STMND1: variants seen among roughly 807,000 people sequenced by gnomAD.
The protein encoded by STMND1 is stathmin domain containing 1.
A neutral mutation model predicts 23.0 loss-of-function variants in STMND1; 17 were observed. The observed-to-expected ratio is 0.74, with a 90% confidence interval of 0.51 to 1.11. The LOEUF (loss-of-function observed/expected upper bound fraction) is 1.11. STMND1 is among the 50% of genes least tolerant of loss of function. The pLI, the probability that STMND1 is intolerant of heterozygous loss-of-function variation, is 0.00. For synonymous variants in STMND1, 114 were observed against 119.9 expected, an observed-to-expected ratio of 0.95 and a Z score of 0.32; for missense variants, 305 against 329.1, an observed-to-expected ratio of 0.93 and a Z score of 0.57.
At position 17,120,777 on chromosome 6, in the gene STMND1, A is replaced by C. The variant is rs974788653; in HGVS notation, c.411+19A>C. The C allele has an allele frequency of 6.6e-6, 10 of 1,505,324 alleles. No homozygotes were observed. The highest frequency in any genetic ancestry group is 8.9e-6 in the Non-Finnish European group (10 of 1,129,658). The allele number at this position is 1,505,324 out of a possible 1,614,324, so 93.2% of individuals were successfully genotyped here. ...TGTCACGGCAAGTAATTTTGTAATT[A>C]ACATTAGCTTATAGTTAAAATTAGC... On this transcript the variant is annotated intron_variant, in intron 3 of 4. Coordinates refer to ENST00000536551, the MANE Select transcript of STMND1 (RefSeq NM_001190766.2).
intron 3 of STMND1, among the ~76,000 whole-genome samples, chr6:17,122,023 C>T (rs1761240267): frequency 6.6e-6 from 1 of 151,902 alleles, no homozygotes; most frequent in Non-Finnish European, 1.5e-5. Context: ...CCATCAAGTC[C>T]AGCTAATTTT....
intron 1 of STMND1, among the ~76,000 whole-genome samples, chr6:17,112,550 G>C (rs1287644702): frequency 6.6e-6 from 1 of 152,050 alleles, no homozygotes; most frequent in Non-Finnish European, 1.5e-5. Flanking sequence ...GGCCGAGGCG[G>C]GTGGATCACA....
In STMND1 at chr6:17,121,976, C is replaced by T. The variant is rs561267894; in HGVS notation, c.411+1218C>T. On this transcript the variant is annotated intron_variant, in intron 3 of 4. Transcript: ENST00000536551. The stretch of plus-strand genomic sequence containing the variant: ...CTCCTGGGTTCAAGCGATTCTCCTG[C>T]CTCAGCCTCCTAGGCAGCTGGGGTT... Among the ~76,000 whole-genome samples, 4 of 152,014 alleles carry T rather than the reference C, an allele frequency of 2.6e-5. No individual in the cohort carries two copies. The East Asian group carries it at 7.8e-4, about 29-fold the overall frequency.
intron 3 of STMND1, among the ~76,000 whole-genome samples, chr6:17,126,785 A>G (rs10807609): frequency 0.31 from 46,478 of 152,092 alleles, 7,316 homozygotes; most frequent in Middle Eastern, 0.34. Flanking sequence ...TAAACCGTCC[A>G]ATGGTTCTAA....
chr6:17,108,230 C>A (rs181570910), intron 1 of STMND1, among the ~76,000 whole-genome samples: 8 of 152,286 alleles, frequency 5.3e-5, no homozygotes, highest in African/African-American at 1.9e-4. Context: ...TTTGATAACT[C>A]AATTGTGAGG....
chr6:17,128,223 T>C (rs1405241082), intron 3 of STMND1: 1 of 152,244 alleles, frequency 6.6e-6, no homozygotes, highest in African/African-American at 2.4e-5. Flanking sequence ...AAGTCATCAT[T>C]ACTGCTTTGA....
intron 1 of STMND1, among the ~76,000 whole-genome samples, chr6:17,105,653 A>G: frequency 6.7e-6 from 1 of 149,776 alleles, no homozygotes; most frequent in Non-Finnish European, 1.5e-5. Context: ...GTCTCAAAAA[A>G]TAAAATAAAA....
Position 17,120,752 on chromosome 6 carries a change from T to C in STMND1, c.405T>C (p.Asp135=), listed in dbSNP as rs1761222111. 2.0e-6 allele frequency: 3 copies of C among 1,523,286 alleles called. No homozygotes were observed. Among genetic ancestry groups the C allele is most frequent in the Admixed American group, 4.3e-5 (2 of 46,884 alleles). 94.4% of individuals were successfully genotyped at this position (1,523,286 alleles called of 1,614,324 possible). A position where few individuals can be genotyped will look rare whatever the true frequency, so the allele number is the denominator to read the frequency against. ...SKVFRNGESY[D]VTLTTTEKPL... ...TATTTAGAAATGGAGAATCATATGA[T>C]GTCACGGCAAGTAATTTTGTAATTA... Residue 135 remains aspartate (D), a synonymous_variant, in exon 3 of 5, where the codon GAT becomes GAC. Coordinates refer to ENST00000536551, the MANE Select transcript of STMND1 (RefSeq NM_001190766.2).
rs1561926460 is a variant in STMND1 at position 17,129,207 on chromosome 6, C to G, written c.507C>G (p.Ile169Met). Residue 169 changes from isoleucine to methionine, a missense_variant, in exon 4 of 5, where the codon ATC (isoleucine) becomes ATG (methionine). Ile to Met is a conservative substitution (Grantham distance 10). Transcript: ENST00000536551. Reference sequence around the variant, plus strand: ...TGAAGGATTTCACAATGAAGGACATCGAGGAGAAGATGGAGGCTGCCGAGG... The same window carrying G: ...TGAAGGATTTCACAATGAAGGACATGGAGGAGAAGATGGAGGCTGCCGAGG... The part of the protein sequence containing the change: ...KQVKDFTMKD[I>M]EEKMEAAEER... The G allele has an allele frequency of 2.0e-6, 3 of 1,535,818 alleles. No homozygotes were observed. The highest frequency in any genetic ancestry group is 2.6e-6 in the Non-Finnish European group (3 of 1,146,796).
intron 3 of STMND1, among the ~76,000 whole-genome samples, chr6:17,122,055 A>G (rs1389683934): frequency 6.6e-6 from 1 of 151,792 alleles, no homozygotes; most frequent in South Asian, 2.1e-4. Context: ...TAGAGACAGG[A>G]TTTCACCATC....
Position 17,102,133 on chromosome 6 carries a change from G to A in STMND1, c.-125G>A. ...TGGGAGAGGCGGGTGGCGCCCGAGC[G>A]CAGTAGCAGGGGCGTAGGGCGCAGG... On this transcript the variant is annotated 5_prime_UTR_variant, in exon 1 of 5. Transcript: ENST00000536551. 1 of 918,026 alleles carries A rather than the reference G, an allele frequency of 1.1e-6. No individual in the cohort carries two copies. Among genetic ancestry groups the A allele is most frequent in the Non-Finnish European group, 1.5e-6 (1 of 678,470 alleles). 56.9% of individuals were successfully genotyped at this position (918,026 alleles called of 1,614,324 possible).
rs527517543 is a variant in STMND1, at chr6:17,128,169, T to C, written c.412-943T>C. 2.0e-5 allele frequency: 3 copies of C among 152,338 alleles called. No individual in the cohort carries two copies. The East Asian group carries it at 5.8e-4, about 29-fold the overall frequency. 9.4% of individuals were successfully genotyped at this position (152,338 alleles called of 1,614,324 possible). On this transcript the variant is annotated intron_variant, in intron 3 of 4. Coordinates refer to ENST00000536551, the MANE Select transcript of STMND1 (RefSeq NM_001190766.2). ...CCTTAAAACTTTCTTCATAAATACT[T>C]TATGACAATTTTACTTATTTTGGAA...
intron 2 of STMND1, 27 bp from the exon 3 acceptor site, chr6:17,120,580 C>A: frequency 6.9e-7 from 1 of 1,451,456 alleles, no homozygotes; most frequent in Non-Finnish European, 9.0e-7. Flanking sequence ...ATTTTGCTTT[C>A]TTTTTTCTTT....
At chr6:17,126,050 ATATATATATATATATATATATT>A (rs1303488239) in intron 3 of STMND1, among the ~76,000 whole-genome samples, 7 of 28,150 alleles carry the variant, frequency 2.5e-4, no homozygotes, top group African/African-American at 1.3e-3. Flanking sequence ...ATATATATAT[ATATATATATATATATATATATT>A]TTTTTTTTTT....
In STMND1 at chr6:17,109,888, A is replaced by G. The variant is rs547257712; in HGVS notation, c.82-5074A>G. On this transcript the variant is annotated intron_variant, in intron 1 of 4. Coordinates refer to ENST00000536551, the MANE Select transcript of STMND1 (RefSeq NM_001190766.2). The stretch of plus-strand genomic sequence containing the variant: ...CTCCTGATGATTTTCATTTATTTCC[A>G]TGGATAAAAATCCTACACAGGATTC... Among the ~76,000 whole-genome samples, 10 of 152,308 alleles carry G rather than the reference A, an allele frequency of 6.6e-5. No homozygotes were observed. The South Asian group carries it at 1.7e-3, about 25-fold the overall frequency.
At chr6:17,126,064 ATATATATTTTTTTT>A (rs1391261408) in intron 3 of STMND1, among the ~76,000 whole-genome samples, 4 of 23,712 alleles carry the variant, frequency 1.7e-4, no homozygotes, top group East Asian at 2.1e-3. Context: ...ATATATATAT[ATATATATTTTTTTT>A]TTTTTTTTTT....
intron 1 of STMND1, among the ~76,000 whole-genome samples, chr6:17,111,833 G>C (rs1581367936): frequency 6.6e-6 from 1 of 152,130 alleles, no homozygotes; most frequent in Admixed American, 6.5e-5. Flanking sequence ...GCAATGGAAG[G>C]TTTGATTATC....
intron 3 of STMND1, among the ~76,000 whole-genome samples, chr6:17,126,054 ATATATATATATATATAT>A (rs1242245496): frequency 6.6e-4 from 16 of 24,090 alleles, no homozygotes; most frequent in Non-Finnish European, 8.9e-4. Flanking sequence ...ATATATATAT[ATATATATATATATATAT>A]TTTTTTTTTT....
chr6:17,120,831 A>G lies in STMND1; in HGVS notation c.411+73A>G. 9.8e-6 allele frequency: 12 copies of G among 1,220,360 alleles called. No individual in the cohort carries two copies. The South Asian group carries it at 1.9e-4, about 20-fold the overall frequency. 75.6% of individuals were successfully genotyped at this position (1,220,360 alleles called of 1,614,324 possible). On this transcript the variant is annotated intron_variant, in intron 3 of 4. Coordinates refer to ENST00000536551, the MANE Select transcript of STMND1 (RefSeq NM_001190766.2). ...AGAATATGATTGATCATGAGTCATT[A>G]TTTCCAGCATATGCAAGTTACAATA...
Sources: allele counts gnomAD v4.1 joint callset (sites outside exome capture counted in the v4.1 genomes callset), GRCh38; gene constraint gnomAD v4.1.1; transcripts MANE v1.5; gene names NCBI Gene and HGNC (gene_info 2026-07-23, HGNC 2026-07-21).